The following KIF6 variants were observed in gnomAD, a reference collection of about 807,000 sequenced individuals.
KIF6 encodes the protein kinesin-like protein KIF6.
KIF6 carries 106 observed loss-of-function variants against 112.7 expected under a neutral mutation model. That is an observed-to-expected ratio of 0.94 (90% CI 0.80 to 1.11). KIF6 has a LOEUF of 1.11. Ranked by LOEUF, KIF6 falls within the 50% of genes least tolerant of loss-of-function variation. KIF6 has a pLI of 0.00. For synonymous variants in KIF6, 339 were observed against 339.9 expected, an observed-to-expected ratio of 1.00 and a Z score of 0.03; for missense variants, 929 against 964.0, an observed-to-expected ratio of 0.96 and a Z score of 0.48.
At chr6:39,438,768 G>C (rs1353027195) in intron 13 of KIF6, among the ~76,000 whole-genome samples, 2 of 152,108 alleles carry the variant, frequency 1.3e-5, no homozygotes, top group Non-Finnish European at 2.9e-5. Context: ...TACACATAGT[G>C]TACAGTAATG....
At chr6:39,609,192 A>G (rs1783062511) in intron 6 of KIF6, among the ~76,000 whole-genome samples, 1 of 152,142 alleles carries the variant, frequency 6.6e-6, no homozygotes, top group Admixed American at 6.6e-5. Context: ...GAAACCACAG[A>G]GTAGAACCAA....
At chr6:39,534,197 A>G (rs1348589425) in intron 13 of KIF6, among the ~76,000 whole-genome samples, 1 of 152,254 alleles carries the variant, frequency 6.6e-6, no homozygotes, top group Non-Finnish European at 1.5e-5. Context: ...CAGCAATGGA[A>G]CAAAGCTGGA....
chr6:39,626,080 G>A (rs1368600377), intron 5 of KIF6, among the ~76,000 whole-genome samples: 1 of 152,158 alleles, frequency 6.6e-6, no homozygotes, highest in Admixed American at 6.5e-5. Flanking sequence ...GGGCCCAGCT[G>A]AGGTTGGAGA....
intron 10 of KIF6, 27 bp downstream of exon 10, chr6:39,578,029 A>C (rs758230815): frequency 6.7e-7 from 1 of 1,500,782 alleles, no homozygotes; most frequent in Non-Finnish European, 9.2e-7. Flanking sequence ...CTGTTAAAGA[A>C]AAAGAAAAAA....
intron 15 of KIF6, among the ~76,000 whole-genome samples, chr6:39,389,621 T>G (rs1236374401): frequency 3.9e-5 from 6 of 152,206 alleles, no homozygotes; most frequent in Non-Finnish European, 8.8e-5. Flanking sequence ...TTTGCTTTCC[T>G]GCTGAGCCTG....
At chr6:39,412,358 T>C (rs1345394724) in intron 15 of KIF6, among the ~76,000 whole-genome samples, 1 of 152,212 alleles carries the variant, frequency 6.6e-6, no homozygotes, top group East Asian at 1.9e-4. Context: ...TCTTTGCTCT[T>C]TTCGTCTCTA....
At chr6:39,706,500 G>C (rs1223759623) in intron 3 of KIF6, among the ~76,000 whole-genome samples, 2 of 152,154 alleles carry the variant, frequency 1.3e-5, no homozygotes, top group Non-Finnish European at 2.9e-5. Flanking sequence ...TGATATGTTA[G>C]TGTCCCTGTT....
chr6:39,724,928 C>T (rs1349848327), intron 1 of KIF6, among the ~76,000 whole-genome samples: 1 of 152,220 alleles, frequency 6.6e-6, no homozygotes, highest in East Asian at 1.9e-4. Context: ...AGTTGAAGCG[C>T]ACACTATACA....
intron 6 of KIF6, among the ~76,000 whole-genome samples, chr6:39,599,949 G>A (rs903931556): frequency 2.1e-4 from 32 of 152,160 alleles, no homozygotes; most frequent in African/African-American, 6.5e-4. Flanking sequence ...GTAGGAGTCC[G>A]TGCCTACAGT....
chr6:39,644,798 G>C (rs553156819), intron 3 of KIF6, among the ~76,000 whole-genome samples: 1 of 152,282 alleles, frequency 6.6e-6, no homozygotes, highest in Non-Finnish European at 1.5e-5. Context: ...GCTTTAAAGA[G>C]TAAATGTTTT....
At chr6:39,675,538 G>A (rs1787081291) in intron 3 of KIF6, among the ~76,000 whole-genome samples, 1 of 151,972 alleles carries the variant, frequency 6.6e-6, no homozygotes, top group Non-Finnish European at 1.5e-5. Context: ...TAAACTAGCA[G>A]AACAGGACTC....
chr6:39,555,728 G>A lies in KIF6; in HGVS notation c.1182-10040C>T, dbSNP rs112434713. On this transcript the variant is annotated intron_variant, in intron 10 of 22. Coordinates refer to ENST00000287152, the MANE Select transcript of KIF6 (RefSeq NM_145027.6). ...AGCACTTTGGGAGGCTGAGGCAGGT[G>A]GATCATTTGAGGTCAGGTGTTTGAG... is the stretch of plus-strand genomic sequence containing the variant. Among the ~76,000 whole-genome samples, 706 of 152,168 alleles carry A rather than the reference G, an allele frequency of 4.6e-3. 6 individuals are homozygous for A. The highest frequency in any genetic ancestry group is 0.016 in the African/African-American group (681 of 41,490).
intron 3 of KIF6, among the ~76,000 whole-genome samples, chr6:39,666,908 A>C (rs1392697300): frequency 1.3e-5 from 2 of 152,198 alleles, no homozygotes; most frequent in East Asian, 3.8e-4. Context: ...TGGCCATTGC[A>C]ATTAAGCAAT....
chr6:39,533,464 C>T lies in KIF6; in HGVS notation c.1645+6539G>A, dbSNP rs181156971. On this transcript the variant is annotated intron_variant, in intron 13 of 22. Transcript: ENST00000287152. The stretch of plus-strand genomic sequence containing the variant: ...GGAGGCAGCGAGGCTGGGGGAGGGG[C>T]GCCCGCCATTGCCCAGGCTTGCTTA... Among the ~76,000 whole-genome samples, 394 of 152,282 alleles carry T rather than the reference C, an allele frequency of 2.6e-3. 3 individuals are homozygous for T. Among genetic ancestry groups the T allele is most frequent in the African/African-American group, 8.8e-3 (364 of 41,570 alleles).
At chr6:39,596,454 A>T (rs1299948974) in intron 6 of KIF6, among the ~76,000 whole-genome samples, 194 bp from the exon 7 acceptor site, 5 of 152,176 alleles carry the variant, frequency 3.3e-5, no homozygotes, top group Non-Finnish European at 7.3e-5. Context: ...TACTGATGAC[A>T]AATGTGGATG....
chr6:39,552,593 T>G (rs1779450061), intron 10 of KIF6, among the ~76,000 whole-genome samples: 1 of 152,200 alleles, frequency 6.6e-6, no homozygotes, highest in African/African-American at 2.4e-5. Flanking sequence ...TTCAGAAAAG[T>G]GCTTTCCACA....
intron 13 of KIF6, among the ~76,000 whole-genome samples, chr6:39,439,925 A>G (rs552529674): frequency 6.6e-6 from 1 of 152,256 alleles, no homozygotes; most frequent in South Asian, 2.1e-4. Context: ...CTCCTAAACA[A>G]CCTACTGCTG....
intron 12 of KIF6, among the ~76,000 whole-genome samples, chr6:39,543,387 TG>T (rs542923135): frequency 1.3e-5 from 2 of 151,210 alleles, no homozygotes; most frequent in South Asian, 2.1e-4. Context: ...TGTGTGTGGG[TG>T]GGGGGGGATT....
intron 14 of KIF6, among the ~76,000 whole-genome samples, chr6:39,422,606 A>G (rs1378601046): frequency 6.6e-6 from 1 of 152,184 alleles, no homozygotes; most frequent in Admixed American, 6.5e-5. Context: ...CTGAGTGTGT[A>G]GAGGGAAAGA....
Sources: gnomAD v4.1 joint callset for allele counts (sites outside exome capture counted in the v4.1 genomes callset) on GRCh38, gnomAD v4.1.1 for gene constraint, MANE v1.5 for transcripts, NCBI Gene and HGNC (gene_info 2026-07-23, HGNC 2026-07-21) for gene names.